TRPC7: variants seen among roughly 807,000 people sequenced by gnomAD.
The protein encoded by TRPC7 is short transient receptor potential channel 7.
In TRPC7, 42 loss-of-function variants were observed where a neutral mutation model predicts 90.1. The observed-to-expected ratio is 0.47, with a 90% CI of 0.36 to 0.60. The LOEUF (loss-of-function observed/expected upper bound fraction) is 0.60. TRPC7 is among the 20% of genes least tolerant of loss of function. The pLI, the probability that TRPC7 is intolerant of heterozygous loss-of-function variation, is 0.00. For missense variants in TRPC7, 955 were observed against 1,112.3 expected, an observed-to-expected ratio of 0.86 and a Z score of 2.01; for synonymous variants, 451 against 436.3, an observed-to-expected ratio of 1.03 and a Z score of -0.42.
At chr5:136,278,264 G>A (rs1260203300) in intron 3 of TRPC7, among the ~76,000 whole-genome samples, 1 of 152,230 alleles carries the variant, frequency 6.6e-6, no homozygotes, top group Non-Finnish European at 1.5e-5. Flanking sequence ...CTCCTGGAGG[G>A]CTCCTGTGGT....
intron 2 of TRPC7, among the ~76,000 whole-genome samples, chr5:136,356,388 T>C (rs1262297693): frequency 6.6e-6 from 1 of 152,228 alleles, no homozygotes; most frequent in East Asian, 1.9e-4. Context: ...AGTCACTTCT[T>C]ACCGCATTCA....
rs191343688 is a variant in TRPC7, at chr5:136,220,425, G to A, written c.2344-4150C>T. Among the ~76,000 whole-genome samples, 226 of 152,236 alleles carry A rather than the reference G, an allele frequency of 1.5e-3. 1 individual carries two copies. Among genetic ancestry groups the A allele is most frequent in the African/African-American group, 4.8e-3 (200 of 41,528 alleles). On this transcript the variant is annotated intron_variant, in intron 10 of 11. Coordinates refer to ENST00000513104, the MANE Select transcript of TRPC7 (RefSeq NM_020389.3). ...CCTGGGGGGCAGTCTATAAATGGCC[G>A]CTCTGGGAGTGTCTGTCTTATGAGG...
chr5:136,335,613 G>A (rs965931250), intron 2 of TRPC7, among the ~76,000 whole-genome samples: 5 of 151,858 alleles, frequency 3.3e-5, no homozygotes, highest in African/African-American at 1.2e-4. Context: ...TCATTAAAAA[G>A]CTACGAGAGG....
chr5:136,232,034 TAAG>T (rs1044142791), intron 7 of TRPC7, among the ~76,000 whole-genome samples: 20 of 152,376 alleles, frequency 1.3e-4, no homozygotes, highest in African/African-American at 4.8e-4. Flanking sequence ...TTCAGATTTC[TAAG>T]AAGACTTTGA....
In TRPC7 at chr5:136,247,633, G is replaced by C. The variant is rs1447383682; in HGVS notation, c.1682C>G (p.Ala561Gly). 2 of 1,613,974 alleles carry C rather than the reference G, an allele frequency of 1.2e-6. No homozygotes were observed. The part of the protein sequence containing the change: ...SFSRIAYILP[A>G]NESFGPLQIS... ...CTGCAGGGGCCCAAAACTCTCGTTGGCTGGCAGAATGTATGCAATGCGAGA... is the reference window on the plus strand; with the variant it reads ...CTGCAGGGGCCCAAAACTCTCGTTGCCTGGCAGAATGTATGCAATGCGAGA... The change falls in exon 7 of 12, where the codon GCC becomes GGC. Residue 561 changes from alanine to glycine, a missense_variant. Coordinates refer to ENST00000513104, the MANE Select transcript of TRPC7 (RefSeq NM_020389.3). This position sits in a 1 kb window ranked among gnomAD's most constrained non-coding sequence, Gnocchi z 4.2.
chr5:136,289,978 G>A lies in TRPC7; in HGVS notation c.964-15141C>T, dbSNP rs1174494966. Among the ~76,000 whole-genome samples, 2 of 152,194 alleles carry A rather than the reference G, an allele frequency of 1.3e-5. 1 individual carries two copies. The highest frequency in any genetic ancestry group is 2.9e-5 in the Non-Finnish European group (2 of 68,038). On this transcript the variant is annotated intron_variant, in intron 3 of 11. Coordinates refer to ENST00000513104, the MANE Select transcript of TRPC7 (RefSeq NM_020389.3). ...GAATGATCAGGCAGCAGCATTTGCG[G>A]TTCACCAATATCAGCTGTTCTGCAG...
chr5:136,306,795 T>C (rs755967398), intron 3 of TRPC7, among the ~76,000 whole-genome samples: 4 of 152,224 alleles, frequency 2.6e-5, no homozygotes, highest in Non-Finnish European at 4.4e-5. Context: ...AGAAGTTTCT[T>C]TGTAATTCTC....
At position 136,231,545 on chromosome 5, in the gene TRPC7, C is replaced by T. The variant is rs1017566541; in HGVS notation, c.1849G>A (p.Glu617Lys). The change falls in exon 8 of 12, where the codon GAA (glutamate) becomes AAA (lysine). Residue 617 changes from glutamate (E) to lysine (K), a missense_variant. Around this residue, in one of 4 missense-constraint regions of TRPC7, gnomAD observed 296 missense variants for 422.7 expected, o/e 0.70. Coordinates refer to ENST00000513104, the MANE Select transcript of TRPC7 (RefSeq NM_020389.3). ...CAAAACAAAGTTTTAAAACTTTCTT[C>T]AACCCTGCAAAGAAACAGACGGTCC... is the stretch of plus-strand genomic sequence containing the variant. ...AKYNPAFTTV[E>K]ESFKTLFWSI... 1 of 1,588,844 alleles carries T rather than the reference C, an allele frequency of 6.3e-7. No homozygotes were observed. Among genetic ancestry groups the T allele is most frequent in the South Asian group, 1.1e-5 (1 of 88,400 alleles).
intron 2 of TRPC7, among the ~76,000 whole-genome samples, chr5:136,340,567 A>T (rs1217536098): frequency 1.3e-5 from 2 of 152,162 alleles, no homozygotes; most frequent in Non-Finnish European, 2.9e-5. Context: ...AAATATATAC[A>T]CTTATTATTT....
At chr5:136,251,060 T>A (rs1271565438) in intron 6 of TRPC7, among the ~76,000 whole-genome samples, 1 of 152,224 alleles carries the variant, frequency 6.6e-6, no homozygotes, top group African/African-American at 2.4e-5. Flanking sequence ...TCTACACAAT[T>A]CCTGGCACAT....
intron 2 of TRPC7, among the ~76,000 whole-genome samples, chr5:136,329,318 C>A (rs1390335343): frequency 3.3e-5 from 5 of 152,132 alleles, no homozygotes; most frequent in Admixed American, 6.5e-5. Flanking sequence ...CCACTGTATG[C>A]CAGGCACTGA....
chr5:136,271,362 G>C (rs1561695758), intron 4 of TRPC7, among the ~76,000 whole-genome samples: 1 of 152,202 alleles, frequency 6.6e-6, no homozygotes, highest in East Asian at 1.9e-4. Context: ...AACTGGTGCA[G>C]TTCCTCAGCA....
Position 136,363,287 on chromosome 5 carries a change from T to C in TRPC7, c.2+1966A>G, listed in dbSNP as rs551672085. 4.2e-4 allele frequency among the ~76,000 whole-genome samples: 64 copies of C among 152,292 alleles called. 1 individual carries two copies. The highest frequency in any genetic ancestry group is 1.5e-3 in the African/African-American group (61 of 41,578). ...CTTATTTCTAAGTATCACCTTCCTT[T>C]TTCTGTTGAAATTGAGGTGAGATAG... On this transcript the variant is annotated intron_variant, in intron 1 of 11. Coordinates refer to ENST00000513104, the MANE Select transcript of TRPC7 (RefSeq NM_020389.3).
chr5:136,318,465 C>T (rs2149840361), intron 2 of TRPC7, among the ~76,000 whole-genome samples: 1 of 152,278 alleles, frequency 6.6e-6, no homozygotes, highest in South Asian at 2.1e-4. Context: ...GATCTACGCT[C>T]TTCCTTATAT....
At chr5:136,241,100 G>A (rs1756149226) in intron 7 of TRPC7, among the ~76,000 whole-genome samples, 1 of 152,118 alleles carries the variant, frequency 6.6e-6, no homozygotes. Context: ...AAGTTGGGTG[G>A]GGCTGAATCA....
chr5:136,288,774 C>G (rs147560806), intron 3 of TRPC7, among the ~76,000 whole-genome samples: 1 of 152,138 alleles, frequency 6.6e-6, no homozygotes, highest in East Asian at 1.9e-4. Context: ...ATGTAAGGGA[C>G]CTTCAGGATA....
At chr5:136,340,764 G>A (rs1204330774) in intron 2 of TRPC7, among the ~76,000 whole-genome samples, 7 of 151,724 alleles carry the variant, frequency 4.6e-5, no homozygotes, top group African/African-American at 9.7e-5. Context: ...GACAAACGTC[G>A]ATTTTTTTCA....
intron 1 of TRPC7, 147 bp downstream of exon 1, chr5:136,365,106 A>G (rs1760680996): frequency 1.1e-6 from 1 of 951,404 alleles, no homozygotes; most frequent in African/African-American, 1.7e-5. Context: ...CTCAACAAAT[A>G]AGAAAGATCT....
chr5:136,286,215 C>T (rs953239619), intron 3 of TRPC7, among the ~76,000 whole-genome samples: 2 of 152,200 alleles, frequency 1.3e-5, no homozygotes, highest in South Asian at 2.1e-4. Context: ...CTGAGGTAAA[C>T]GGCATTTCCA....
Sources: allele counts gnomAD v4.1 joint callset (sites outside exome capture counted in the v4.1 genomes callset), GRCh38; gene constraint gnomAD v4.1.1; regional missense constraint gnomAD v4.1.1; non-coding constraint Gnocchi (gnomAD v3.1); transcripts MANE v1.5; gene names NCBI Gene and HGNC (gene_info 2026-07-23, HGNC 2026-07-21).